ATP5F1A: variants seen among roughly 807,000 people sequenced by gnomAD.
The protein encoded by ATP5F1A is ATP synthase F(1) complex subunit alpha, mitochondrial.
ATP5F1A carries 24 observed loss-of-function variants against 57.4 expected under a neutral mutation model. The ratio of observed to expected loss-of-function variants is 0.42; its 90% CI spans 0.30 to 0.59. The LOEUF (loss-of-function observed/expected upper bound fraction) is 0.59. ATP5F1A is among the 20% of genes least tolerant of loss of function. The pLI is 0.19. For missense variants in ATP5F1A, 494 were observed against 707.9 expected (o/e 0.70, Z 3.43); for synonymous variants, 251 against 255.5 (o/e 0.98, Z 0.17).
chr18:46,087,011 T>C lies in ATP5F1A; in HGVS notation c.1173A>G (p.Gly391=). 6.2e-7 allele frequency: 1 copy of C among 1,613,792 alleles called. No homozygotes were observed. The highest frequency in any genetic ancestry group is 8.5e-7 in the Non-Finnish European group (1 of 1,179,660). ...IPTNVISITD[G]QIFLETELFY... ...CTTTTAATCATTAAAATAATACCTG[T>C]CCGTCAGTGATGGAAATGACATTTG... Residue 391 remains glycine (G), a synonymous_variant, in exon 8 of 12, where the codon GGA becomes GGG. Coordinates refer to ENST00000398752, the MANE Select transcript of ATP5F1A (RefSeq NM_004046.6).
chr18:46,090,091 G>GGGGGGGGA, intron 3 of ATP5F1A, 95 bp from the exon 4 acceptor site: 2 of 605,158 alleles, frequency 3.3e-6, no homozygotes, highest in Non-Finnish European at 5.0e-6. Context: ...GGGGTGGGGG[G>GGGGGGGGA]GGAAGCAGTA....
chr18:46,096,363 G>C (rs796593024), intron 1 of ATP5F1A, among the ~76,000 whole-genome samples: 4 of 151,860 alleles, frequency 2.6e-5, no homozygotes, highest in African/African-American at 9.6e-5. Flanking sequence ...AGCTGGGCGT[G>C]GTGGCACATG....
intron 5 of ATP5F1A, chr18:46,088,560 A>C: frequency 5.2e-6 from 1 of 192,248 alleles, no homozygotes; most frequent in Non-Finnish European, 1.1e-5. Flanking sequence ...CGTAAAAGTC[A>C]TCGCCATTCT....
chr18:46,097,790 C>G, intron 1 of ATP5F1A: 1 of 1,046,398 alleles, frequency 9.6e-7, no homozygotes, highest in Non-Finnish European at 1.2e-6. Flanking sequence ...AGTTTTCTGA[C>G]CTTCAGCGGG....
In ATP5F1A at chr18:46,088,192, T is replaced by G; in HGVS notation, c.716A>C (p.Lys239Thr). ...QKRFNDGSDEKKKLYCIYVAI... is the reference protein window; with the variant it reads ...QKRFNDGSDETKKLYCIYVAI... ...AACATAAATACAGTACAGCTTCTTCTTTTCATCAGATCCATCATTGAAACG... is the reference window on the plus strand; with the variant it reads ...AACATAAATACAGTACAGCTTCTTCGTTTCATCAGATCCATCATTGAAACG... The change falls in exon 6 of 12, where the codon AAG becomes ACG. Residue 239 changes from lysine to threonine, a missense_variant. Lys to Thr is a moderately conservative substitution (Grantham distance 78, BLOSUM62 -1). This residue lies in a region of ATP5F1A where 191 missense variants were observed against 267.7 expected (regional missense o/e 0.71). Coordinates refer to ENST00000398752, the MANE Select transcript of ATP5F1A (RefSeq NM_004046.6). 6.2e-7 allele frequency: 1 copy of G among 1,605,402 alleles called. No individual in the cohort carries two copies. The highest frequency in any genetic ancestry group is 1.1e-5 in the South Asian group (1 of 88,266).
At chr18:46,097,513 G>A (rs961279959) in intron 1 of ATP5F1A, among the ~76,000 whole-genome samples, 1 of 152,124 alleles carries the variant, frequency 6.6e-6, no homozygotes, top group Non-Finnish European at 1.5e-5. Context: ...GTGCCACAAA[G>A]CACACACTCT....
At position 46,084,368 on chromosome 18, in the gene ATP5F1A, T is replaced by A; in HGVS notation, c.1581-5A>T. 1.2e-6 allele frequency: 2 copies of A among 1,611,132 alleles called. No homozygotes were observed. Among genetic ancestry groups the A allele is most frequent in the Non-Finnish European group, 1.7e-6 (2 of 1,179,282 alleles). Reference sequence around the variant, plus strand: ...TCTGAGATCTTTCCATCAGCCCTATTTGGAAATAAAAGCAGGTCGTAAGTT... The same window carrying A: ...TCTGAGATCTTTCCATCAGCCCTATATGGAAATAAAAGCAGGTCGTAAGTT... On this transcript the variant is annotated splice_polypyrimidine_tract_variant and splice_region_variant and intron_variant, in intron 11 of 11. Coordinates refer to ENST00000398752, the MANE Select transcript of ATP5F1A (RefSeq NM_004046.6).
rs1042974377 is a variant in ATP5F1A, at chr18:46,087,278, T to C, written c.952-46A>G. ...GTGAAGTTAACCTATTAAATAGAAGTTGCATATGTGAACTTTTACTTCAGT... is the reference window on the plus strand; with the variant it reads ...GTGAAGTTAACCTATTAAATAGAAGCTGCATATGTGAACTTTTACTTCAGT... On this transcript the variant is annotated intron_variant, in intron 7 of 11. Transcript: ENST00000398752. 8 of 1,611,454 alleles carry C rather than the reference T, an allele frequency of 5.0e-6. 1 individual carries two copies. In the Middle Eastern group the frequency reaches 4.9e-4, roughly 99 times the overall value.
intron 5 of ATP5F1A, 54 bp downstream of exon 5, chr18:46,089,512 C>A (rs1443607798): frequency 1.9e-6 from 3 of 1,595,624 alleles, no homozygotes; most frequent in East Asian, 4.5e-5. Flanking sequence ...AAAATATAAT[C>A]CTTCCATTGA....
At chr18:46,103,391 A>G (rs1911343475) in intron 1 of ATP5F1A, among the ~76,000 whole-genome samples, 2 of 151,018 alleles carry the variant, frequency 1.3e-5, no homozygotes, top group South Asian at 2.1e-4. Flanking sequence ...ACCTGAAGTC[A>G]GGAGTTCGAG....
upstream of ATP5F1A, among the ~76,000 whole-genome samples, chr18:46,101,649 C>T (rs997443780): frequency 6.6e-6 from 1 of 152,070 alleles, no homozygotes. Context: ...AATCCCAGCA[C>T]TTTGGGAGGC....
upstream of ATP5F1A, among the ~76,000 whole-genome samples, chr18:46,099,100 A>T (rs994102350): frequency 2.0e-5 from 3 of 151,924 alleles, no homozygotes; most frequent in South Asian, 2.1e-4. Flanking sequence ...ACTTTAAATT[A>T]AAAAAAATAT....
chr18:46,098,464 A>T, upstream of ATP5F1A: 1 of 1,271,034 alleles, frequency 7.9e-7, no homozygotes, highest in Non-Finnish European at 1.0e-6. Context: ...GAATGATTAG[A>T]TATATTCCGG....
chr18:46,089,226 CTTA>C (rs1160418181), intron 5 of ATP5F1A, among the ~76,000 whole-genome samples: 1 of 152,196 alleles, frequency 6.6e-6, no homozygotes, highest in Admixed American at 6.5e-5. Context: ...GTATCTGTGT[CTTA>C]TTTATTTTCT....
At chr18:46,090,118 G>T in intron 3 of ATP5F1A, 122 bp from the exon 4 acceptor site, 2 of 842,270 alleles carry the variant, frequency 2.4e-6, no homozygotes, top group Non-Finnish European at 3.5e-6. Flanking sequence ...TTTTCACCTG[G>T]TTTATTCTTG....
intron 10 of ATP5F1A, 76 bp downstream of exon 10, chr18:46,086,037 T>C: frequency 1.3e-6 from 2 of 1,495,296 alleles, no homozygotes; most frequent in Non-Finnish European, 1.8e-6. Context: ...CCGTGATATG[T>C]GATGCAGCTC....
Position 46,087,455 on chromosome 18 carries a change from G to A in ATP5F1A, c.837C>T (p.Ala279=), listed in dbSNP as rs755075148. 1.1e-5 allele frequency: 18 copies of A among 1,614,102 alleles called. No homozygotes were observed. The highest frequency in any genetic ancestry group is 9.9e-5 in the South Asian group (9 of 91,096). ...GGTACTGAAGTGGGGCAGCATCCGA[G>A]GCCGTAGCCGACACCACAATGGTGT... ...MKYTIVVSAT[A]SDAAPLQYLA... is the part of the protein sequence containing the mutation. Residue 279 remains alanine (A), a synonymous_variant, in exon 7 of 12, where the codon GCC becomes GCT. Coordinates refer to ENST00000398752, the MANE Select transcript of ATP5F1A (RefSeq NM_004046.6).
At chr18:46,095,879 T>C (rs537560085) in intron 1 of ATP5F1A, among the ~76,000 whole-genome samples, 17 of 151,806 alleles carry the variant, frequency 1.1e-4, no homozygotes, top group Non-Finnish European at 2.1e-4. Flanking sequence ...TAAATATATA[T>C]ATACACACAC....
upstream of ATP5F1A, chr18:46,098,457 T>G: frequency 7.6e-7 from 1 of 1,315,410 alleles, no homozygotes; most frequent in Non-Finnish European, 9.9e-7. Flanking sequence ...TCAAAATGAA[T>G]GATTAGATAT....
Sources: allele counts gnomAD v4.1 joint callset (sites outside exome capture counted in the v4.1 genomes callset), GRCh38; gene constraint gnomAD v4.1.1; regional missense constraint gnomAD v4.1.1; transcripts MANE v1.5; gene names NCBI Gene and HGNC (gene_info 2026-07-23, HGNC 2026-07-21).